Variants in FAM204A observed in about 807,000 individuals in gnomAD.
FAM204A encodes family with sequence similarity 204 member A, also known as protein FAM204A.
Under a neutral mutation model 35.4 loss-of-function variants are expected in FAM204A, and 16 were observed. The observed-to-expected ratio is 0.45, with a 90% CI of 0.31 to 0.69. The LOEUF (loss-of-function observed/expected upper bound fraction) is 0.69. FAM204A is among the 30% of genes least tolerant of loss of function. The pLI, the probability that FAM204A is intolerant of heterozygous loss-of-function variation, is 0.07. For synonymous variants in FAM204A, 76 were observed against 86.9 expected (o/e 0.88, Z 0.70); for missense variants, 240 against 265.7 (o/e 0.90, Z 0.67).
intron 7 of FAM204A, among the ~76,000 whole-genome samples, chr10:118,323,190 C>T (rs1048928427): frequency 2.6e-5 from 4 of 151,964 alleles, no homozygotes; most frequent in Non-Finnish European, 4.4e-5. Flanking sequence ...TTGTTGAGTC[C>T]TGTGATCCTA....
chr10:118,332,036 T>C (rs949364834), intron 6 of FAM204A, among the ~76,000 whole-genome samples: 4 of 151,092 alleles, frequency 2.6e-5, no homozygotes, highest in South Asian at 2.1e-4. Context: ...TAGCTGGGCA[T>C]GATGGCGCAC....
chr10:118,310,945 TA>T (rs750128660), intron 8 of FAM204A, 37 bp from the exon 9 acceptor site: 45,184 of 978,196 alleles, frequency 0.046, 1 homozygote, highest in South Asian at 0.07. Context: ...ATTTATTTCT[TA>T]AAAAAAAAAA....
At position 118,300,591 on chromosome 10, in the gene FAM204A, C is replaced by CACAA. The variant is rs1845798543; in HGVS notation, c.*10265_*10266insTTGT. The CACAA allele has an allele frequency of 6.6e-6, 1 of 152,144 alleles. No individual in the cohort carries two copies. The highest frequency in any genetic ancestry group is 2.4e-5 in the African/African-American group (1 of 41,416). 9.4% of individuals were successfully genotyped at this position (152,144 alleles called of 1,614,324 possible). A position where few individuals can be genotyped will look rare whatever the true frequency, so the allele number is the denominator to read the frequency against. ...AAATCATCAAAAACCACATAAACTTCAAAGCAGTATATATCATATTAAATC... is the reference window on the plus strand; with the variant it reads ...AAATCATCAAAAACCACATAAACTTCACAAAAAGCAGTATATATCATATTAAATC... On this transcript the variant is annotated 3_prime_UTR_variant, in exon 9 of 9. Transcript: ENST00000369183.
In FAM204A at chr10:118,307,798, G is replaced by T. The variant is rs901724782; in HGVS notation, c.*3059C>A. 1.3e-5 allele frequency: 2 copies of T among 152,152 alleles called. No homozygotes were observed. The highest frequency in any genetic ancestry group is 6.5e-5 in the Admixed American group (1 of 15,278). The allele number at this position is 152,152 out of a possible 1,614,324, so 9.4% of individuals were successfully genotyped here. A position where few individuals can be genotyped will look rare whatever the true frequency, so the allele number is the denominator to read the frequency against. On this transcript the variant is annotated 3_prime_UTR_variant, in exon 9 of 9. Coordinates refer to ENST00000369183, the MANE Select transcript of FAM204A (RefSeq NM_022063.3). ...AGAAAATCAGAAGATTTTAATGTGA[G>T]TTCTAAGTTGTGACTTAAAAGTTCA...
rs1198659565 is a variant in FAM204A, at chr10:118,311,246, T to G, written c.611A>C (p.Asn204Thr). 2 of 1,612,250 alleles carry G rather than the reference T, an allele frequency of 1.2e-6. No individual in the cohort carries two copies. Among genetic ancestry groups the G allele is most frequent in the Non-Finnish European group, 1.7e-6 (2 of 1,179,708 alleles). ...NFVKAKKEVE[N>T]SQAARKKKKL... ...CTTCTTTTTTCGGGCAGCCTGTGAA[T>G]TTTCAACCTCCTTTTTGGCTTTTAC... The change falls in exon 8 of 9, where the codon AAT becomes ACT. Residue 204 changes from asparagine to threonine, a missense_variant. Physicochemically the swap from Asn to Thr is moderately conservative, Grantham distance 65. Transcript: ENST00000369183.
chr10:118,302,444 G>T lies in FAM204A; in HGVS notation c.*8413C>A, dbSNP rs1845817845. ...CCTGATGGAGCTGCATGAGTTACAA[G>T]GTTTTTAACTGCAAGAATTGTTGGA... On this transcript the variant is annotated 3_prime_UTR_variant, in exon 9 of 9. Transcript: ENST00000369183. The T allele has an allele frequency of 6.6e-6, 1 of 152,222 alleles. No individual in the cohort carries two copies. The highest frequency in any genetic ancestry group is 1.9e-4 in the East Asian group (1 of 5,196). 9.4% of individuals were successfully genotyped at this position (152,222 alleles called of 1,614,324 possible). A position where few individuals can be genotyped will look rare whatever the true frequency, so the allele number is the denominator to read the frequency against.
intron 2 of FAM204A, among the ~76,000 whole-genome samples, chr10:118,340,131 A>G (rs914653193): frequency 5.9e-5 from 9 of 152,218 alleles, no homozygotes; most frequent in African/African-American, 2.2e-4. Context: ...GAAAAGACCA[A>G]TTTAGTGAAG....
Position 118,305,925 on chromosome 10 carries a change from A to C in FAM204A, c.*4932T>G, listed in dbSNP as rs891890287. On this transcript the variant is annotated 3_prime_UTR_variant, in exon 9 of 9. Transcript: ENST00000369183. ...AACACTTTTTATTGTGGGCAGTCAT[A>C]ATTGTATGCTATCCATCAAACAATA... The C allele has an allele frequency of 1.2e-4, 19 of 152,364 alleles. No homozygotes were observed. The highest frequency in any genetic ancestry group is 4.1e-4 in the African/African-American group (17 of 41,594). The allele number at this position is 152,364 out of a possible 1,614,324, so 9.4% of individuals were successfully genotyped here.
At chr10:118,335,790 C>G (rs1451943495) in intron 3 of FAM204A, 149 bp from the exon 4 acceptor site, 1 of 647,096 alleles carries the variant, frequency 1.5e-6, no homozygotes. Context: ...ATGCTCTATT[C>G]TCTGAGACTC....
At chr10:118,312,430 A>T (rs942917564) in intron 7 of FAM204A, among the ~76,000 whole-genome samples, 1 of 152,156 alleles carries the variant, frequency 6.6e-6, no homozygotes, top group Non-Finnish European at 1.5e-5. Context: ...ACGTGTAAGG[A>T]AAGAAGCAAA....
intron 7 of FAM204A, among the ~76,000 whole-genome samples, chr10:118,312,243 C>T (rs566989858): frequency 1.9e-4 from 29 of 152,286 alleles, no homozygotes; most frequent in African/African-American, 5.1e-4. Context: ...AACGAAGTAC[C>T]TCTTTGGTGT....
Position 118,311,156 on chromosome 10 carries a change from A to C in FAM204A, c.650+51T>G, listed in dbSNP as rs373347419. ...ACTAGATCACAAAATATATTAGCAGAATTTCTATGAAGTCAGGAGATTTAC... is the reference window on the plus strand; with the variant it reads ...ACTAGATCACAAAATATATTAGCAGCATTTCTATGAAGTCAGGAGATTTAC... On this transcript the variant is annotated intron_variant, in intron 8 of 8. Transcript: ENST00000369183. 27 of 1,501,324 alleles carry C rather than the reference A, an allele frequency of 1.8e-5. No individual in the cohort carries two copies. The African/African-American group carries it at 3.5e-4, about 19-fold the overall frequency. 93.0% of individuals were successfully genotyped at this position (1,501,324 alleles called of 1,614,324 possible).
chr10:118,338,565 G>C (rs757317070), intron 2 of FAM204A, among the ~76,000 whole-genome samples: 6 of 152,160 alleles, frequency 3.9e-5, no homozygotes, highest in Admixed American at 1.3e-4. Flanking sequence ...TTATGTGCCA[G>C]ACACTCTTCA....
At chr10:118,331,289 G>C (rs236199) in intron 6 of FAM204A, among the ~76,000 whole-genome samples, 3,291 of 152,280 alleles carry the variant, frequency 0.022, 101 homozygotes, top group African/African-American at 0.073. Context: ...AGGAGGCACA[G>C]AGGAGCTACT....
Position 118,302,087 on chromosome 10 carries a change from G to A in FAM204A, c.*8770C>T, listed in dbSNP as rs1445916003. The A allele has an allele frequency of 6.6e-6, 1 of 152,208 alleles. No individual in the cohort carries two copies. Among genetic ancestry groups the A allele is most frequent in the East Asian group, 1.9e-4 (1 of 5,190 alleles). 9.4% of individuals were successfully genotyped at this position (152,208 alleles called of 1,614,324 possible). On this transcript the variant is annotated 3_prime_UTR_variant, in exon 9 of 9. Coordinates refer to ENST00000369183, the MANE Select transcript of FAM204A (RefSeq NM_022063.3). ...GCACTTGCATCTCTATATTTCCTAG[G>A]TGATGTTGTGTGACACTGCAGAGTC... is the stretch of plus-strand genomic sequence containing the variant.
At chr10:118,330,427 A>G (rs1048514719) in intron 6 of FAM204A, among the ~76,000 whole-genome samples, 2 of 152,292 alleles carry the variant, frequency 1.3e-5, no homozygotes, top group South Asian at 2.1e-4. Context: ...AGGTAATAGC[A>G]TATTACAGTG....
At position 118,330,423 on chromosome 10, in the gene FAM204A, T is replaced by C. The variant is rs188446065; in HGVS notation, c.454-4180A>G. 1.4e-3 allele frequency among the ~76,000 whole-genome samples: 210 copies of C among 152,260 alleles called. 1 individual carries two copies. The highest frequency in any genetic ancestry group is 4.9e-3 in the African/African-American group (202 of 41,538). ...CATTAAGATCATAATCTAAAGGTAA[T>C]AGCATATTACAGTGGAAAGAGCACA... On this transcript the variant is annotated intron_variant, in intron 6 of 8. Transcript: ENST00000369183.
Position 118,300,402 on chromosome 10 carries a change from C to T in FAM204A, c.*10455G>A. ...TGTTCACTCAAGCCAATTAAATCAACAAATATTTACTGAACACCTACCATG... is the reference window on the plus strand; with the variant it reads ...TGTTCACTCAAGCCAATTAAATCAATAAATATTTACTGAACACCTACCATG... On this transcript the variant is annotated 3_prime_UTR_variant, in exon 9 of 9. Coordinates refer to ENST00000369183, the MANE Select transcript of FAM204A (RefSeq NM_022063.3). The T allele has an allele frequency of 6.6e-6, 1 of 152,070 alleles. No individual in the cohort carries two copies. The highest frequency in any genetic ancestry group is 1.5e-5 in the Non-Finnish European group (1 of 68,002). 9.4% of individuals were successfully genotyped at this position (152,070 alleles called of 1,614,324 possible).
chr10:118,313,055 T>C (rs1845977981), intron 7 of FAM204A, among the ~76,000 whole-genome samples: 1 of 151,946 alleles, frequency 6.6e-6, no homozygotes, highest in Non-Finnish European at 1.5e-5. Context: ...ATTATCATCA[T>C]CCCAGGAGAA....
Sources: gnomAD v4.1 joint callset for allele counts (sites outside exome capture counted in the v4.1 genomes callset) on GRCh38, gnomAD v4.1.1 for gene constraint, MANE v1.5 for transcripts, NCBI Gene and HGNC (gene_info 2026-07-23, HGNC 2026-07-21) for gene names.